Variants in VAV3 observed in about 807,000 individuals in gnomAD.
VAV3 encodes the protein vav guanine nucleotide exchange factor 3.
VAV3 carries 94 observed loss-of-function variants against 131.2 expected under a neutral mutation model. The ratio of observed to expected loss-of-function variants is 0.72; its 90% CI spans 0.61 to 0.85. The LOEUF is 0.85. Among genes scored for constraint, VAV3 ranks in the 40% least tolerant of loss-of-function variants. The pLI, the probability that VAV3 is intolerant of heterozygous loss-of-function variation, is 0.00. For synonymous variants in VAV3, 349 were observed against 342.0 expected (o/e 1.02, Z -0.22); for missense variants, 939 against 1,002.7 (o/e 0.94, Z 0.86).
chr1:107,796,412 T>C (rs1304526538), intron 2 of VAV3, among the ~76,000 whole-genome samples: 1 of 152,134 alleles, frequency 6.6e-6, no homozygotes, highest in African/African-American at 2.4e-5. Flanking sequence ...TCAGTTCTCT[T>C]AGAAAAAACA....
intron 20 of VAV3, among the ~76,000 whole-genome samples, chr1:107,636,021 A>T (rs1282572513): frequency 6.6e-6 from 1 of 152,206 alleles, no homozygotes; most frequent in African/African-American, 2.4e-5. Context: ...ATATTCTTAA[A>T]ACTCTACCTT....
intron 2 of VAV3, among the ~76,000 whole-genome samples, chr1:107,830,282 A>T (rs1213281655): frequency 6.6e-6 from 1 of 151,904 alleles, no homozygotes; most frequent in Non-Finnish European, 1.5e-5. Flanking sequence ...AGCCCACTAC[A>T]GCCTCCAGTT....
chr1:107,706,014 G>A (rs1660429498), intron 15 of VAV3, among the ~76,000 whole-genome samples: 1 of 152,048 alleles, frequency 6.6e-6, no homozygotes, highest in Non-Finnish European at 1.5e-5. Context: ...TCTTGGCTTA[G>A]CTATTTAGGT....
chr1:107,873,128 G>A (rs1319328933), intron 2 of VAV3, among the ~76,000 whole-genome samples: 1 of 152,064 alleles, frequency 6.6e-6, no homozygotes, highest in Admixed American at 6.6e-5. Context: ...ATCTACCACT[G>A]CTAAAATATT....
At chr1:107,735,362 C>A (rs1185694764) in intron 15 of VAV3, among the ~76,000 whole-genome samples, 1 of 152,012 alleles carries the variant, frequency 6.6e-6, no homozygotes, top group Admixed American at 6.6e-5. Context: ...AAGGTTAGAG[C>A]AGAACTGAAG....
intron 2 of VAV3, among the ~76,000 whole-genome samples, chr1:107,809,300 A>T (rs929007699): frequency 2.6e-5 from 4 of 152,216 alleles, no homozygotes; most frequent in African/African-American, 9.6e-5. Context: ...AATCAACACT[A>T]ACTCCCAATG....
At chr1:107,767,339 T>G (rs958933143) in intron 7 of VAV3, among the ~76,000 whole-genome samples, 1 of 152,186 alleles carries the variant, frequency 6.6e-6, no homozygotes, top group Non-Finnish European at 1.5e-5. Context: ...ATTCTCCCAT[T>G]ATCTCATCCT....
chr1:107,941,543 A>G (rs537697253), intron 1 of VAV3, among the ~76,000 whole-genome samples: 42 of 152,254 alleles, frequency 2.8e-4, no homozygotes, highest in African/African-American at 9.9e-4. Flanking sequence ...ACACCTTTTT[A>G]TGGACACTTA....
intron 15 of VAV3, among the ~76,000 whole-genome samples, chr1:107,737,214 T>C (rs976862463): frequency 2.0e-5 from 3 of 152,194 alleles, no homozygotes; most frequent in African/African-American, 7.2e-5. Flanking sequence ...TTAAGATGGA[T>C]TAAAAGCATA....
intron 2 of VAV3, among the ~76,000 whole-genome samples, chr1:107,801,683 T>G (rs896074088): frequency 6.6e-6 from 1 of 152,178 alleles, no homozygotes; most frequent in Non-Finnish European, 1.5e-5. Flanking sequence ...TTCCAATTGC[T>G]GTATATCACT....
At chr1:107,603,408 T>A (rs1048000822) in intron 22 of VAV3, among the ~76,000 whole-genome samples, 3 of 151,944 alleles carry the variant, frequency 2.0e-5, no homozygotes, top group Non-Finnish European at 4.4e-5. Flanking sequence ...ACCTAGTAAA[T>A]AAATGGGACA....
chr1:107,817,128 C>T (rs1156951970), intron 2 of VAV3, among the ~76,000 whole-genome samples: 4 of 152,164 alleles, frequency 2.6e-5, no homozygotes, highest in Non-Finnish European at 5.9e-5. Flanking sequence ...GAGTTCACTA[C>T]TTACTGGGGA....
chr1:107,774,162 G>A (rs1665205186), intron 4 of VAV3, among the ~76,000 whole-genome samples: 2 of 152,110 alleles, frequency 1.3e-5, no homozygotes, highest in Admixed American at 6.5e-5. Context: ...CACCTCCTGG[G>A]TTCCAGCGAT....
At chr1:107,914,453 T>G (rs889669890) in intron 1 of VAV3, among the ~76,000 whole-genome samples, 1 of 152,202 alleles carries the variant, frequency 6.6e-6, no homozygotes, top group African/African-American at 2.4e-5. Flanking sequence ...GGTGAATTAT[T>G]TGAGTCCTAA....
chr1:107,932,384 G>A (rs1673481693), intron 1 of VAV3, among the ~76,000 whole-genome samples: 1 of 152,108 alleles, frequency 6.6e-6, no homozygotes, highest in Non-Finnish European at 1.5e-5. Flanking sequence ...AGTGACATTA[G>A]TTTGCATGAA....
chr1:107,946,847 A>G (rs1356431870), intron 1 of VAV3, among the ~76,000 whole-genome samples: 1 of 152,272 alleles, frequency 6.6e-6, no homozygotes, highest in Non-Finnish European at 1.5e-5. Context: ...ATAGACATTA[A>G]TAACACCAAC....
intron 1 of VAV3, among the ~76,000 whole-genome samples, chr1:107,916,386 G>A (rs1571137356): frequency 6.6e-6 from 1 of 152,078 alleles, no homozygotes; most frequent in Non-Finnish European, 1.5e-5. Flanking sequence ...GAAGCATAAC[G>A]TACAAATCTG....
At chr1:107,755,158 A>G (rs571327821) in intron 12 of VAV3, among the ~76,000 whole-genome samples, 1 of 152,270 alleles carries the variant, frequency 6.6e-6, no homozygotes, top group East Asian at 1.9e-4. Context: ...AAAAGAAAAA[A>G]AAAGTGGACT....
chr1:107,580,873 A>G (rs1649993612), intron 25 of VAV3, among the ~76,000 whole-genome samples: 1 of 152,188 alleles, frequency 6.6e-6, no homozygotes, highest in South Asian at 2.1e-4. Context: ...ACTTGTTTCT[A>G]TATATATGGA....
Sources: gnomAD v4.1 joint callset for allele counts (sites outside exome capture counted in the v4.1 genomes callset) on GRCh38, gnomAD v4.1.1 for gene constraint, MANE v1.5 for transcripts, NCBI Gene and HGNC (gene_info 2026-07-23, HGNC 2026-07-21) for gene names.